The following PCDH11X variants were observed in gnomAD, a reference collection of about 807,000 sequenced individuals.
The protein encoded by PCDH11X is protocadherin 11 X-linked, also known as protocadherin-11 X-linked.
In PCDH11X, 18 loss-of-function variants were observed where a neutral mutation model predicts 53.3. The observed-to-expected ratio is 0.34, with a 90% CI of 0.23 to 0.50. The LOEUF (loss-of-function observed/expected upper bound fraction) is 0.50. Among genes scored for constraint, PCDH11X ranks in the 20% least tolerant of loss-of-function variants. The probability of loss-of-function intolerance (pLI) is 0.98; values close to 1 mark genes in which losing one functional copy is unlikely to be tolerated. For missense variants in PCDH11X, 570 were observed against 1,032.4 expected (o/e 0.55, Z 6.14); for synonymous variants, 279 against 393.3 (o/e 0.71, Z 3.44).
intron 10 of PCDH11X, among the ~76,000 whole-genome samples, chrX:92,492,050 G>A (rs925471192): frequency 1.3e-4 from 15 of 111,353 alleles, no homozygotes; most frequent in Non-Finnish European, 2.5e-4. Context: ...TGCACTAATC[G>A]GAAAACTGTA....
intron 6 of PCDH11X, among the ~76,000 whole-genome samples, chrX:92,180,815 G>GA (rs1194377683): frequency 6.3e-5 from 7 of 110,930 alleles, no homozygotes; most frequent in African/African-American, 2.3e-4. Flanking sequence ...CTTCCGCCAT[G>GA]ATTTTGAGGC....
At chrX:91,961,961 A>G (rs2061794050) in intron 6 of PCDH11X, among the ~76,000 whole-genome samples, 1 of 110,305 alleles carries the variant, frequency 9.1e-6, no homozygotes. Flanking sequence ...GAACAGCATG[A>G]AGGTAACCAC....
chrX:92,451,619 G>A (rs1230697214), intron 9 of PCDH11X, among the ~76,000 whole-genome samples: 1 of 111,015 alleles, frequency 9.0e-6, no homozygotes, highest in African/African-American at 3.3e-5. Flanking sequence ...TTGCTAAGTA[G>A]GCATATTCTC....
At chrX:92,530,157 T>C (rs889080634) in intron 10 of PCDH11X, among the ~76,000 whole-genome samples, 10 of 109,725 alleles carry the variant, frequency 9.1e-5, no homozygotes, top group African/African-American at 3.3e-4. Context: ...GCAATTTTTG[T>C]TTATTGTTCT....
chrX:92,568,370 C>A (rs1358431188), intron 10 of PCDH11X, among the ~76,000 whole-genome samples: 1 of 107,900 alleles, frequency 9.3e-6, no homozygotes, highest in African/African-American at 3.4e-5. Context: ...TGCAGTGAGC[C>A]GAGATGGCGC....
At position 91,967,784 on chromosome X, in the gene PCDH11X, T is replaced by C. The variant is rs548199388; in HGVS notation, c.3033+88511T>C. ...GTCTCTATTTATACAGATTAATATT[T>C]AACTTTTTAATAACTATATTAGCAG... On this transcript the variant is annotated intron_variant, in intron 6 of 10. Transcript: ENST00000682573. Among the ~76,000 whole-genome samples the C allele has an allele frequency of 1.5e-3, 164 of 112,453 alleles. 3 individuals carry two copies. In the South Asian group the frequency reaches 0.06, roughly 41 times the overall value.
intron 10 of PCDH11X, among the ~76,000 whole-genome samples, chrX:92,582,372 C>T (rs1057251158): frequency 4.5e-5 from 5 of 110,604 alleles, no homozygotes; most frequent in Non-Finnish European, 7.6e-5. Flanking sequence ...CTCTAGCCAT[C>T]GCTAAAAGGG....
chrX:92,101,981 G>A (rs1422944170), intron 6 of PCDH11X, among the ~76,000 whole-genome samples: 1 of 111,977 alleles, frequency 8.9e-6, no homozygotes, highest in African/African-American at 3.3e-5. Context: ...ATTAGGCCTG[G>A]TGGAACTGCC....
intron 10 of PCDH11X, among the ~76,000 whole-genome samples, chrX:92,542,607 G>A (rs2074776610): frequency 9.0e-6 from 1 of 111,391 alleles, no homozygotes; most frequent in South Asian, 3.7e-4. Context: ...CATTTAGAAT[G>A]AGAAAATAAT....
intron 6 of PCDH11X, among the ~76,000 whole-genome samples, chrX:91,920,678 CATTA>C (rs1221168598): frequency 7.2e-5 from 8 of 110,914 alleles, no homozygotes; most frequent in African/African-American, 2.3e-4. Context: ...TTGTATACTG[CATTA>C]ATTATTTACA....
chrX:92,471,139 C>T (rs1462632609), intron 10 of PCDH11X, among the ~76,000 whole-genome samples: 7 of 97,608 alleles, frequency 7.2e-5, no homozygotes, highest in Admixed American at 1.2e-4. Flanking sequence ...TTCAGGGGTA[C>T]AAGTGTAGGT....
chrX:92,219,158 A>G (rs1266831278), intron 7 of PCDH11X, among the ~76,000 whole-genome samples: 5 of 110,936 alleles, frequency 4.5e-5, no homozygotes. Flanking sequence ...GCCCTCTCTC[A>G]CCACTCCTAT....
chrX:92,107,725 T>A (rs5984148), intron 6 of PCDH11X, among the ~76,000 whole-genome samples: 1 of 111,126 alleles, frequency 9.0e-6, no homozygotes, highest in African/African-American at 3.3e-5. Flanking sequence ...TAAATGTATT[T>A]GATTGATGTC....
intron 8 of PCDH11X, among the ~76,000 whole-genome samples, chrX:92,309,466 G>T (rs1045848627): frequency 1.8e-5 from 2 of 111,454 alleles, no homozygotes; most frequent in African/African-American, 6.5e-5. Context: ...CCTAGAAATA[G>T]AAAGTAAGAT....
intron 6 of PCDH11X, among the ~76,000 whole-genome samples, chrX:92,013,020 G>C (rs1213233315): frequency 1.8e-5 from 2 of 111,437 alleles, no homozygotes; most frequent in African/African-American, 6.5e-5. Flanking sequence ...AGTGTTGGAA[G>C]TTCTGGCCAA....
intron 6 of PCDH11X, among the ~76,000 whole-genome samples, chrX:92,050,726 G>C (rs933926301): frequency 1.8e-5 from 2 of 110,344 alleles, no homozygotes; most frequent in African/African-American, 6.6e-5. Flanking sequence ...CGAGTACCTA[G>C]GGTAGTTTCT....
chrX:92,597,169 T>C (rs1362654917), intron 10 of PCDH11X, among the ~76,000 whole-genome samples: 1 of 111,392 alleles, frequency 9.0e-6, no homozygotes, highest in Non-Finnish European at 1.9e-5. Context: ...AATACTGGAA[T>C]TCCTAGCTAG....
intron 1 of PCDH11X, among the ~76,000 whole-genome samples, chrX:91,780,871 GT>G (rs1935112261): frequency 8.9e-6 from 1 of 112,765 alleles, no homozygotes; most frequent in Non-Finnish European, 1.9e-5. Context: ...CTTTCTCAGA[GT>G]GTATAGCCAG....
intron 5 of PCDH11X, among the ~76,000 whole-genome samples, chrX:91,860,519 G>A (rs1483228979): frequency 9.0e-6 from 1 of 111,375 alleles, no homozygotes; most frequent in Non-Finnish European, 1.9e-5. Flanking sequence ...AGTGGTGAGA[G>A]AGGGCATCCT....
Sources: allele counts gnomAD v4.1 joint callset (sites outside exome capture counted in the v4.1 genomes callset), GRCh38; gene constraint gnomAD v4.1.1; transcripts MANE v1.5; gene names NCBI Gene and HGNC (gene_info 2026-07-23, HGNC 2026-07-21).